ERICH1: variants seen among roughly 807,000 people sequenced by gnomAD.
The protein encoded by ERICH1 is glutamate-rich protein 1.
A neutral mutation model predicts 39.6 loss-of-function variants in ERICH1; 56 were observed. The observed-to-expected ratio is 1.41, with a 90% confidence interval of 1.14 to 1.77. The LOEUF (loss-of-function observed/expected upper bound fraction) is 1.77, where lower values mean the gene tolerates loss of function less well. ERICH1 is among the 40% of genes most tolerant of loss of function. ERICH1 has a pLI of 0.00. For synonymous variants in ERICH1, 313 were observed against 223.6 expected (o/e 1.40, Z -3.57); for missense variants, 826 against 575.4 (o/e 1.44, Z -4.45).
intron 2 of ERICH1, among the ~76,000 whole-genome samples, chr8:699,838 G>GGCACACAGACCCGCACAC (rs1811380131): frequency 5.1e-5 from 3 of 58,384 alleles, no homozygotes; most frequent in Admixed American, 2.0e-4. Flanking sequence ...GACCCGCACA[G>GGCACACAGACCCGCACAC]GCGCACAGAC....
At chr8:618,281 T>G (rs1323504641) in intron 3 of ERICH1, among the ~76,000 whole-genome samples, 2 of 152,082 alleles carry the variant, frequency 1.3e-5, no homozygotes, top group African/African-American at 4.8e-5. Context: ...TGCTTGGTGT[T>G]TGGTCCATCC....
intron 2 of ERICH1, among the ~76,000 whole-genome samples, chr8:704,126 C>T (rs148989103): frequency 5.3e-5 from 8 of 152,272 alleles, no homozygotes; most frequent in East Asian, 3.9e-4. Flanking sequence ...TCCTACACCC[C>T]GAAAAACTTT....
intron 2 of ERICH1, among the ~76,000 whole-genome samples, chr8:705,971 G>C (rs770345971): frequency 1.3e-5 from 2 of 152,218 alleles, no homozygotes; most frequent in Non-Finnish European, 2.9e-5. Context: ...GGACCCTGAA[G>C]ATGATAACGC....
At chr8:648,502 C>CAAAAAAA (rs531723403) in intron 3 of ERICH1, among the ~76,000 whole-genome samples, 2 of 13,732 alleles carry the variant, frequency 1.5e-4, no homozygotes, top group Non-Finnish European at 5.2e-4. Context: ...AAAGAAAAAG[C>CAAAAAAA]AAAAAAAAAA....
chr8:622,523 C>T (rs1291913970), intron 3 of ERICH1, among the ~76,000 whole-genome samples: 1 of 152,192 alleles, frequency 6.6e-6, no homozygotes, highest in Non-Finnish European at 1.5e-5. Context: ...TGATCTTGGA[C>T]TGTCCAGCCT....
At position 673,728 on chromosome 8, in the gene ERICH1, C is replaced by G. The variant is rs770130823; in HGVS notation, c.624G>C (p.Glu208Asp). Reference protein sequence around the residue: ...EGEGVGEACEEDGVDTSEEDP... With the variant: ...EGEGVGEACEDDGVDTSEEDP... ...CTTCCTCGCTGGTGTCCACACCATC[C>G]TCCTCACAAGCCTCTCCCACGCCTT... The change falls in exon 4 of 6, where the codon GAG becomes GAC. Residue 208 changes from glutamate (E) to aspartate (D), a missense_variant. Transcript: ENST00000262109. 1.1e-4 allele frequency: 179 copies of G among 1,612,100 alleles called. No individual in the cohort carries two copies. The East Asian group carries it at 3.8e-3, about 35-fold the overall frequency.
chr8:683,136 A>T (rs1490516912), intron 3 of ERICH1, among the ~76,000 whole-genome samples: 1 of 152,216 alleles, frequency 6.6e-6, no homozygotes, highest in Non-Finnish European at 1.5e-5. Flanking sequence ...CCTGCTGAGA[A>T]GCATGTCCTG....
rs560510674 is a variant in ERICH1 at position 727,206 on chromosome 8, G to A, written c.22+3934C>T. Among the ~76,000 whole-genome samples the A allele has an allele frequency of 5.9e-5, 9 of 152,014 alleles. No homozygotes were observed. The East Asian group carries it at 1.7e-3, about 29-fold the overall frequency. On this transcript the variant is annotated intron_variant, in intron 1 of 5. Coordinates refer to ENST00000262109, the MANE Select transcript of ERICH1 (RefSeq NM_207332.3). ...TGTGCACAAAGGCATACACAGACAC[G>A]TGCACACATAGGAACAGCGGCACAC...
chr8:706,790 A>G (rs1193361294), intron 2 of ERICH1, among the ~76,000 whole-genome samples: 1 of 152,202 alleles, frequency 6.6e-6, no homozygotes, highest in Non-Finnish European at 1.5e-5. Context: ...AACAACAACA[A>G]AAAGATAAAA....
At chr8:703,953 C>T (rs1812717870) in intron 2 of ERICH1, among the ~76,000 whole-genome samples, 1 of 152,150 alleles carries the variant, frequency 6.6e-6, no homozygotes, top group Non-Finnish European at 1.5e-5. Flanking sequence ...AAGACCTCAG[C>T]ATCAGGCTGC....
chr8:638,249 C>T (rs766293265), intron 3 of ERICH1, among the ~76,000 whole-genome samples: 3 of 152,220 alleles, frequency 2.0e-5, no homozygotes, highest in Non-Finnish European at 4.4e-5. Context: ...CTCCCAGTGT[C>T]CTAAGACCTT....
intron 3 of ERICH1, chr8:640,830 A>G (rs545729308): frequency 2.0e-5 from 3 of 152,366 alleles, no homozygotes; most frequent in Admixed American, 6.5e-5. Context: ...AAGAGCCAAT[A>G]AAAGCTGGAA....
At chr8:705,202 C>G (rs961162304) in intron 2 of ERICH1, among the ~76,000 whole-genome samples, 1 of 152,222 alleles carries the variant, frequency 6.6e-6, no homozygotes, top group Non-Finnish European at 1.5e-5. Flanking sequence ...GTCTCATGTC[C>G]AAGGACGGAT....
At chr8:628,148 T>C (rs1797707357) in intron 3 of ERICH1, among the ~76,000 whole-genome samples, 1 of 152,168 alleles carries the variant, frequency 6.6e-6, no homozygotes, top group Non-Finnish European at 1.5e-5. Context: ...TGAGACTTTA[T>C]AGATGGTTGA....
Position 622,675 on chromosome 8 carries a change from G to A in ERICH1, c.977-7391C>T, listed in dbSNP as rs1795346665. On this transcript the variant is annotated intron_variant, in intron 3 of 3. Transcript: ENST00000522706. ...ATTCTATCAGACATTTAAAAAGGCAGGGCACAGTGGCTCACACCTGTAATC... is the reference window on the plus strand; with the variant it reads ...ATTCTATCAGACATTTAAAAAGGCAAGGCACAGTGGCTCACACCTGTAATC... Among the ~76,000 whole-genome samples the A allele has an allele frequency of 3.9e-5, 6 of 152,290 alleles. No homozygotes were observed. In the South Asian group the frequency reaches 1.0e-3, roughly 26 times the overall value.
At chr8:716,898 G>A (rs1816132534) in intron 1 of ERICH1, among the ~76,000 whole-genome samples, 1 of 152,156 alleles carries the variant, frequency 6.6e-6, no homozygotes, top group Non-Finnish European at 1.5e-5. Context: ...CACTGTAGCT[G>A]AAGGCACAAA....
downstream of ERICH1, among the ~76,000 whole-genome samples, chr8:663,988 T>C (rs140594611): frequency 7.8e-3 from 1,184 of 152,298 alleles, 9 homozygotes; most frequent in Non-Finnish European, 0.014. Flanking sequence ...CTCGATCTCC[T>C]GACGTTGTGA....
In ERICH1 at chr8:632,806, T is replaced by G. The variant is rs1302762616; in HGVS notation, c.977-17522A>C. Reference sequence around the variant, plus strand: ...TGGGTGACTTTGCCCTGGGGGACATTTGGCAATGTGTGGAGTCATTTCTGG... The same window carrying G: ...TGGGTGACTTTGCCCTGGGGGACATGTGGCAATGTGTGGAGTCATTTCTGG... On this transcript the variant is annotated intron_variant, in intron 3 of 3. Coordinates refer to the ERICH1 transcript ENST00000522706. 1.3e-5 allele frequency among the ~76,000 whole-genome samples: 2 copies of G among 152,120 alleles called. 1 individual carries two copies. The highest frequency in any genetic ancestry group is 1.3e-4 in the Admixed American group (2 of 15,272).
intron 3 of ERICH1, among the ~76,000 whole-genome samples, chr8:649,600 G>C (rs1799676494): frequency 6.6e-6 from 1 of 152,108 alleles, no homozygotes; most frequent in African/African-American, 2.4e-5. Context: ...ACCTCTCTCG[G>C]GGGAGGGGGA....
Sources: allele counts gnomAD v4.1 joint callset (sites outside exome capture counted in the v4.1 genomes callset), GRCh38; gene constraint gnomAD v4.1.1; transcripts MANE v1.5; gene names NCBI Gene and HGNC (gene_info 2026-07-23, HGNC 2026-07-21).